CATSPERE: variants seen among roughly 807,000 people sequenced by gnomAD.
CATSPERE encodes the protein cation channel sperm-associated auxiliary subunit epsilon.
In CATSPERE, 93 loss-of-function variants were observed where a neutral mutation model predicts 114.1. The ratio of observed to expected loss-of-function variants is 0.81; its 90% CI spans 0.69 to 0.97. The LOEUF is 0.97. Ranked by LOEUF, CATSPERE falls within the 50% of genes least tolerant of loss-of-function variation. The pLI, the probability that CATSPERE is intolerant of heterozygous loss-of-function variation, is 0.00. For missense variants in CATSPERE, 1,058 were observed against 1,131.6 expected (o/e 0.93, Z 0.93); for synonymous variants, 341 against 384.1 (o/e 0.89, Z 1.31).
intron 10 of CATSPERE, among the ~76,000 whole-genome samples, chr1:244,566,582 C>T (rs892888609): frequency 2.0e-5 from 3 of 147,738 alleles, no homozygotes; most frequent in Non-Finnish European, 3.0e-5. Context: ...TATGTAATGC[C>T]CTTCTTTGTC....
intron 8 of CATSPERE, among the ~76,000 whole-genome samples, chr1:244,546,645 T>G (rs1168003590): frequency 2.6e-5 from 4 of 152,168 alleles, no homozygotes; most frequent in Non-Finnish European, 5.9e-5. Context: ...CAGAGATTGA[T>G]TTTTTTAATC....
chr1:244,523,915 A>G (rs2148386197), intron 8 of CATSPERE, among the ~76,000 whole-genome samples: 1 of 147,396 alleles, frequency 6.8e-6, no homozygotes, highest in African/African-American at 2.6e-5. Flanking sequence ...ATACTGCCCA[A>G]GGTAATTTAC....
Position 244,461,394 on chromosome 1 carries a change from T to G in CATSPERE, c.-36T>G, listed in dbSNP as rs773363111. 1 of 1,336,660 alleles carries G rather than the reference T, an allele frequency of 7.5e-7. No individual in the cohort carries two copies. The highest frequency in any genetic ancestry group is 2.1e-5 in the South Asian group (1 of 47,926). The allele number at this position is 1,336,660 out of a possible 1,614,324, so 82.8% of individuals were successfully genotyped here. A position where few individuals can be genotyped will look rare whatever the true frequency, so the allele number is the denominator to read the frequency against. ...GGAATGCGCGAGGCCTGGACGGGAG[T>G]GGCCGAGGCGGTTGGGCGGAGGCGG... On this transcript the variant is annotated 5_prime_UTR_variant, in exon 1 of 22. Transcript: ENST00000366534.
intron 6 of CATSPERE, among the ~76,000 whole-genome samples, 200 bp downstream of exon 6, chr1:244,490,671 G>T (rs560861671): frequency 1.3e-5 from 2 of 151,880 alleles, no homozygotes; most frequent in Non-Finnish European, 2.9e-5. Flanking sequence ...CATAAGGATG[G>T]ATCTTCCCCC....
At chr1:244,544,004 C>T (rs573061255) in intron 8 of CATSPERE, among the ~76,000 whole-genome samples, 9 of 151,948 alleles carry the variant, frequency 5.9e-5, no homozygotes, top group Non-Finnish European at 1.0e-4. Context: ...TAACTCAATA[C>T]CAGAAAAATG....
At chr1:244,561,555 G>A (rs541625460) in intron 10 of CATSPERE, among the ~76,000 whole-genome samples, 1 of 152,266 alleles carries the variant, frequency 6.6e-6, no homozygotes, top group South Asian at 2.1e-4. Flanking sequence ...GAATATCAAG[G>A]TGTTGATAGG....
At chr1:244,481,824 G>A (rs3003310) in intron 5 of CATSPERE, among the ~76,000 whole-genome samples, 46,675 of 152,064 alleles carry the variant, frequency 0.31, 7,660 homozygotes, top group East Asian at 0.52. Flanking sequence ...TTGATCTTTG[G>A]ACTTTGCAGC....
At position 244,639,999 on chromosome 1, in the gene CATSPERE, G is replaced by A; in HGVS notation, c.2774G>A (p.Ser925Asn). The A allele has an allele frequency of 6.5e-7, 1 of 1,550,140 alleles. No individual in the cohort carries two copies. The highest frequency in any genetic ancestry group is 8.7e-7 in the Non-Finnish European group (1 of 1,146,648). The change falls in exon 22 of 22, where the codon AGC (serine) becomes AAC (asparagine). Residue 925 changes from serine (S) to asparagine (N), a missense_variant. Ser to Asn is a conservative substitution (Grantham distance 46, BLOSUM62 1). Transcript: ENST00000366534. ...CTCTTCTTCACTATTCTTGTTTTGAGCTACTTTCGGTACATGAGGATTTAT... is the reference window on the plus strand; with the variant it reads ...CTCTTCTTCACTATTCTTGTTTTGAACTACTTTCGGTACATGAGGATTTAT... ...MLLFFTILVL[S>N]YFRYMRIYRR...
chr1:244,591,948 A>C (rs1667773081), intron 15 of CATSPERE, among the ~76,000 whole-genome samples: 1 of 152,260 alleles, frequency 6.6e-6, no homozygotes, highest in Admixed American at 6.5e-5. Context: ...TTGGATAAGC[A>C]AAGCAAGCCT....
At position 244,461,426 on chromosome 1, in the gene CATSPERE, C is replaced by A; in HGVS notation, c.-4C>A. The A allele has an allele frequency of 1.5e-6, 2 of 1,376,984 alleles. No homozygotes were observed. 85.3% of individuals were successfully genotyped at this position (1,376,984 alleles called of 1,614,324 possible). A position where few individuals can be genotyped will look rare whatever the true frequency, so the allele number is the denominator to read the frequency against. ...GGCGGTTGGGCGGAGGCGGAGCAGG[C>A]GCCATGTCAGCCCGGGAAGTGGCCG... On this transcript the variant is annotated 5_prime_UTR_variant, in exon 1 of 22. Coordinates refer to ENST00000366534, the MANE Select transcript of CATSPERE (RefSeq NM_001130957.2).
intron 2 of CATSPERE, among the ~76,000 whole-genome samples, chr1:244,474,333 A>G (rs904122433): frequency 6.6e-6 from 1 of 152,028 alleles, no homozygotes; most frequent in Non-Finnish European, 1.5e-5. Context: ...CACTCAGTTT[A>G]CTGCTTAACA....
At chr1:244,614,561 G>A (rs1351849862) in intron 19 of CATSPERE, among the ~76,000 whole-genome samples, 5 of 152,248 alleles carry the variant, frequency 3.3e-5, no homozygotes, top group East Asian at 3.9e-4. Context: ...CGAGTCGAGC[G>A]GGAACACATG....
At chr1:244,451,534 G>T, upstream of CATSPERE, 2 of 1,278,208 alleles carry the variant, frequency 1.6e-6, no homozygotes, top group Non-Finnish European at 2.1e-6. The surrounding 1 kb of genome is among the most constrained non-coding windows in gnomAD (Gnocchi z 6.6). Flanking sequence ...ACCTCATTTT[G>T]GCCAGTGGAT....
In CATSPERE at chr1:244,491,834, G is replaced by A. The variant is rs1430550437; in HGVS notation, c.351+1363G>A. Among the ~76,000 whole-genome samples the A allele has an allele frequency of 2.0e-5, 3 of 152,220 alleles. No homozygotes were observed. In the East Asian group the frequency reaches 5.8e-4, roughly 29 times the overall value. On this transcript the variant is annotated intron_variant, in intron 6 of 21. Coordinates refer to ENST00000366534, the MANE Select transcript of CATSPERE (RefSeq NM_001130957.2). ...CAAACACCTCTACACAAATAAACTA[G>A]AAAATCCAGAAGAAATGGATAAATT...
At chr1:244,562,960 C>G (rs1662811550) in intron 10 of CATSPERE, among the ~76,000 whole-genome samples, 1 of 152,178 alleles carries the variant, frequency 6.6e-6, no homozygotes, top group Non-Finnish European at 1.5e-5. Context: ...GTTCAACTCC[C>G]ACTTATGAGT....
chr1:244,604,177 A>T (rs1227578018), intron 17 of CATSPERE, among the ~76,000 whole-genome samples: 1 of 152,238 alleles, frequency 6.6e-6, no homozygotes, highest in African/African-American at 2.4e-5. Context: ...AGGGTCCCAG[A>T]GCTCTCAGTA....
At position 244,572,641 on chromosome 1, in the gene CATSPERE, G is replaced by T; in HGVS notation, c.1819G>T (p.Val607Phe). Reference sequence around the variant, plus strand: ...TTTGGACAAGGGAGAGGCTCTGACAGTTTGGACTCAGATCGTCTATCCAGA... The same window carrying T: ...TTTGGACAAGGGAGAGGCTCTGACATTTTGGACTCAGATCGTCTATCCAGA... ...YFLDKGEALT[V>F]WTQIVYPENT... Residue 607 changes from valine (V) to phenylalanine (F), a missense_variant, in exon 11 of 22, where the codon GTT (valine) becomes TTT (phenylalanine). By Grantham distance (50) the Val-to-Phe change is conservative (BLOSUM62 -1). Around this residue, in one of 2 missense-constraint regions of CATSPERE, gnomAD observed 787 missense variants for 905.6 expected, o/e 0.87. Transcript: ENST00000366534. 1 of 1,614,102 alleles carries T rather than the reference G, an allele frequency of 6.2e-7. No homozygotes were observed. Among genetic ancestry groups the T allele is most frequent in the South Asian group, 1.1e-5 (1 of 91,078 alleles).
intron 8 of CATSPERE, among the ~76,000 whole-genome samples, chr1:244,533,110 C>A (rs1679862269): frequency 6.6e-6 from 1 of 151,824 alleles, no homozygotes; most frequent in African/African-American, 2.4e-5. Context: ...TATGTAATAA[C>A]CTTATTTGTC....
rs61325021 is a variant in CATSPERE, at chr1:244,625,432, A to ATTTTTTTT, written c.2648+7754_2648+7761dup. 2.8e-3 allele frequency among the ~76,000 whole-genome samples: 11 copies of ATTTTTTTT among 3,986 alleles called. 3 individuals are homozygous for ATTTTTTTT. Among genetic ancestry groups the ATTTTTTTT allele is most frequent in the Admixed American group, 6.1e-3 (1 of 164 alleles). 2.6% of individuals were successfully genotyped at this position (3,986 alleles called of 152,430 possible). On this transcript the variant is annotated intron_variant, in intron 20 of 21. Transcript: ENST00000366534. Reference sequence around the variant, plus strand: ...TATATATATATATATATATATATATATTTTTTTTTTTTTTTGAGATGGAGT... The same window carrying ATTTTTTTT: ...TATATATATATATATATATATATATATTTTTTTTTTTTTTTTTTTTTTTGAGATGGAGT...
Sources: gnomAD v4.1 joint callset for allele counts (sites outside exome capture counted in the v4.1 genomes callset) on GRCh38, gnomAD v4.1.1 for gene constraint, gnomAD v4.1.1 regional missense constraint, Gnocchi (gnomAD v3.1) non-coding constraint, MANE v1.5 for transcripts, NCBI Gene and HGNC (gene_info 2026-07-23, HGNC 2026-07-21) for gene names.